The following IGSF5 variants were observed in gnomAD, a reference collection of about 807,000 sequenced individuals.
The protein encoded by IGSF5 is immunoglobulin superfamily 5 like.
Under a neutral mutation model 39.4 loss-of-function variants are expected in IGSF5, and 41 were observed. The observed-to-expected ratio is 1.04, with a 90% CI of 0.81 to 1.35. IGSF5 has a LOEUF of 1.35. Among genes scored for constraint, IGSF5 ranks in the 40% most tolerant of loss-of-function variants. The pLI is 0.00. For missense variants in IGSF5, 487 were observed against 494.6 expected (o/e 0.98, Z 0.15); for synonymous variants, 183 against 175.3 (o/e 1.04, Z -0.34).
intron 2 of IGSF5, 92 bp from the exon 3 acceptor site, chr21:39,765,443 G>A (rs1467228071): frequency 3.4e-6 from 4 of 1,182,924 alleles, no homozygotes; most frequent in African/African-American, 3.0e-5. Flanking sequence ...CAACCTGGGG[G>A]TTACCACTGG....
chr21:39,781,746 C>G (rs2080171685), intron 5 of IGSF5, among the ~76,000 whole-genome samples: 1 of 152,146 alleles, frequency 6.6e-6, no homozygotes, highest in Non-Finnish European at 1.5e-5. Flanking sequence ...AACTACTGTT[C>G]CATCTTTTTG....
At chr21:39,728,317 C>T in the IGSF5 span, among the ~76,000 whole-genome samples, 1 of 152,006 alleles carries the variant, frequency 6.6e-6, no homozygotes, top group Non-Finnish European at 1.5e-5. Context: ...TATAAAAAGA[C>T]AATGTGAAGA....
chr21:39,748,457 C>G (rs8132074), intron 2 of IGSF5, among the ~76,000 whole-genome samples: 1 of 151,756 alleles, frequency 6.6e-6, no homozygotes, highest in Non-Finnish European at 1.5e-5. Context: ...ACTACAGGCA[C>G]GTGCCATCAC....
upstream of IGSF5, among the ~76,000 whole-genome samples, chr21:39,743,674 T>C (rs916816140): frequency 3.9e-5 from 6 of 152,128 alleles, no homozygotes; most frequent in East Asian, 3.9e-4. Flanking sequence ...GGGCTTCCTG[T>C]AGGGCATAAG....
chr21:39,715,715 A>C, the IGSF5 span, among the ~76,000 whole-genome samples: 5 of 152,192 alleles, frequency 3.3e-5, no homozygotes, highest in South Asian at 1.0e-3. Flanking sequence ...TTTAGCTTGG[A>C]TTATGGAAGT....
rs768824473 is a variant in IGSF5 at position 39,765,603 on chromosome 21, C to T, written c.169C>T (p.Arg57Cys). ...AAGAGTCCTGAAGGGCTCCCAGGCTCGCTTCAACTGCACCGTCTCCCAGGG... is the reference window on the plus strand; with the variant it reads ...AAGAGTCCTGAAGGGCTCCCAGGCTTGCTTCAACTGCACCGTCTCCCAGGG... ...NARVLKGSQA[R>C]FNCTVSQGWK... is the part of the protein sequence containing the mutation. Residue 57 changes from arginine to cysteine, a missense_variant, in exon 3 of 9, where the codon CGC (arginine) becomes TGC (cysteine). By Grantham distance (180) the Arg-to-Cys change is radical. Coordinates refer to ENST00000380588, the MANE Select transcript of IGSF5 (RefSeq NM_001080444.2). The T allele has an allele frequency of 1.2e-4, 189 of 1,614,006 alleles. No homozygotes were observed. Among genetic ancestry groups the T allele is most frequent in the Non-Finnish European group, 1.5e-4 (179 of 1,179,990 alleles).
intron 5 of IGSF5, among the ~76,000 whole-genome samples, chr21:39,782,580 A>G (rs570647804): frequency 6.6e-6 from 1 of 152,334 alleles, no homozygotes; most frequent in South Asian, 2.1e-4. Flanking sequence ...TACTCTAAGT[A>G]TCTTATATAA....
intron 8 of IGSF5, among the ~76,000 whole-genome samples, chr21:39,797,732 G>C (rs995047397): frequency 2.1e-4 from 32 of 152,050 alleles, no homozygotes; most frequent in African/African-American, 7.5e-4. Context: ...ATTTGCCCAG[G>C]CTGTTCTTAA....
At chr21:39,738,202 G>GA in the IGSF5 span, among the ~76,000 whole-genome samples, 3 of 152,130 alleles carry the variant, frequency 2.0e-5, no homozygotes, top group Non-Finnish European at 2.9e-5. The surrounding 1 kb of genome is among the most constrained non-coding windows in gnomAD (Gnocchi z 6.4). Context: ...GGGGGCTGGG[G>GA]AGGCCTCATA....
At chr21:39,746,541 G>T (rs1037708486) in intron 2 of IGSF5, among the ~76,000 whole-genome samples, 2 of 152,130 alleles carry the variant, frequency 1.3e-5, no homozygotes, top group Admixed American at 6.5e-5. Flanking sequence ...CAGCATAGAG[G>T]TTTATTTTTT....
intron 2 of IGSF5, among the ~76,000 whole-genome samples, chr21:39,763,974 A>C (rs1287756467): frequency 2.6e-5 from 4 of 152,178 alleles, no homozygotes; most frequent in Non-Finnish European, 5.9e-5. Flanking sequence ...GTTGTGTTTT[A>C]GAGTCATACT....
In IGSF5 at chr21:39,771,203, C is replaced by T. The variant is rs751303291; in HGVS notation, c.706C>T (p.Arg236Trp). ...KSATVNLTVI[R>W]CPQDTGGGIN... Reference sequence around the variant, plus strand: ...TGCAACTGTAAATCTCACTGTGATTCGGTGTCCCCAAGGTAAGTGAAGACA... The same window carrying T: ...TGCAACTGTAAATCTCACTGTGATTTGGTGTCCCCAAGGTAAGTGAAGACA... Residue 236 changes from arginine to tryptophan, a missense_variant, in exon 4 of 9, where the codon CGG (arginine) becomes TGG (tryptophan). Coordinates refer to ENST00000380588, the MANE Select transcript of IGSF5 (RefSeq NM_001080444.2). 1.6e-5 allele frequency: 25 copies of T among 1,574,674 alleles called. No individual in the cohort carries two copies. The highest frequency in any genetic ancestry group is 2.0e-5 in the Non-Finnish European group (23 of 1,156,576).
intron 2 of IGSF5, among the ~76,000 whole-genome samples, chr21:39,752,881 T>C (rs2080012464): frequency 6.6e-6 from 1 of 152,212 alleles, no homozygotes; most frequent in Non-Finnish European, 1.5e-5. Context: ...TTTTAGTTCC[T>C]TGTAGATTCT....
chr21:39,773,033 C>T (rs2080122649), intron 4 of IGSF5, among the ~76,000 whole-genome samples: 3 of 152,244 alleles, frequency 2.0e-5, no homozygotes, highest in Non-Finnish European at 2.9e-5. Flanking sequence ...TATAGGCAAA[C>T]TCATGTCACA....
intron 4 of IGSF5, among the ~76,000 whole-genome samples, chr21:39,778,396 C>T (rs1247856194): frequency 1.3e-5 from 2 of 152,202 alleles, no homozygotes; most frequent in African/African-American, 2.4e-5. Context: ...CTCCTTCTCT[C>T]CCTACCTCCC....
the IGSF5 span, among the ~76,000 whole-genome samples, chr21:39,721,302 T>C: frequency 2.6e-5 from 4 of 152,168 alleles, no homozygotes; most frequent in Non-Finnish European, 4.4e-5. Context: ...CCTCTTATCA[T>C]TGTAAGGCTG....
intron 2 of IGSF5, among the ~76,000 whole-genome samples, chr21:39,757,637 C>G (rs1008027324): frequency 1.3e-5 from 2 of 149,564 alleles, no homozygotes; most frequent in South Asian, 2.1e-4. Context: ...AGTGCAATGA[C>G]GTGATCTCTG....
upstream of IGSF5, among the ~76,000 whole-genome samples, chr21:39,742,224 ATCTC>A (rs539553937): frequency 2.0e-4 from 30 of 151,996 alleles, no homozygotes; most frequent in African/African-American, 7.0e-4. Flanking sequence ...TTTTACTAGA[ATCTC>A]TCTCTCTAAC....
At chr21:39,773,401 C>T (rs1017090873) in intron 4 of IGSF5, among the ~76,000 whole-genome samples, 1 of 152,042 alleles carries the variant, frequency 6.6e-6, no homozygotes, top group Admixed American at 6.6e-5. Context: ...TGATTTCCTG[C>T]TTCCATTATT....
Sources: allele counts gnomAD v4.1 joint callset (sites outside exome capture counted in the v4.1 genomes callset), GRCh38; gene constraint gnomAD v4.1.1; non-coding constraint Gnocchi (gnomAD v3.1); transcripts MANE v1.5; gene names NCBI Gene and HGNC (gene_info 2026-07-23, HGNC 2026-07-21).